Variants in ST8SIA1 observed in about 807,000 individuals in gnomAD.
ST8SIA1 encodes the protein ST8 alpha-N-acetyl-neuraminide alpha-2,8-sialyltransferase 1.
In ST8SIA1, 16 loss-of-function variants were observed where a neutral mutation model predicts 35.9. The ratio of observed to expected loss-of-function variants is 0.45; its 90% CI spans 0.30 to 0.68. The LOEUF (loss-of-function observed/expected upper bound fraction) is 0.68. Among genes scored for constraint, ST8SIA1 ranks in the 30% least tolerant of loss-of-function variants. The pLI, the probability that ST8SIA1 is intolerant of heterozygous loss-of-function variation, is 0.09. For missense variants in ST8SIA1, 383 were observed against 453.6 expected, an observed-to-expected ratio of 0.84 and a Z score of 1.41; for synonymous variants, 170 against 169.6, an observed-to-expected ratio of 1.00 and a Z score of -0.02.
chr12:22,321,435 T>C (rs73089218), intron 1 of ST8SIA1, among the ~76,000 whole-genome samples: 3,996 of 152,256 alleles, frequency 0.026, 124 homozygotes, highest in South Asian at 0.16. Context: ...CTGCCCAAAC[T>C]GAAGCAGCAG....
chr12:22,260,223 G>A (rs891092399), intron 2 of ST8SIA1, among the ~76,000 whole-genome samples: 1 of 150,104 alleles, frequency 6.7e-6, no homozygotes, highest in African/African-American at 2.5e-5. Context: ...GTACAATGGT[G>A]CCATCACGGC....
rs200518743 is a variant in ST8SIA1 at position 22,260,165 on chromosome 12, C to CTT, written c.382-4778_382-4777dup. ...TCAAGGGTTTTTTTCTTTTTTCTTC[C>CTT]TTTTTTTTTTTTTAGAAAGGGTCTA... On this transcript the variant is annotated intron_variant, in intron 2 of 4. Coordinates refer to ENST00000396037, the MANE Select transcript of ST8SIA1 (RefSeq NM_003034.4). Among the ~76,000 whole-genome samples, 159 of 142,358 alleles carry CTT rather than the reference C, an allele frequency of 1.1e-3. 1 individual carries two copies. Among genetic ancestry groups the CTT allele is most frequent in the African/African-American group, 3.9e-3 (152 of 38,926 alleles). 93.4% of individuals were successfully genotyped at this position (142,358 alleles called of 152,430 possible).
At chr12:22,331,324 C>T (rs1037533929) in intron 1 of ST8SIA1, among the ~76,000 whole-genome samples, 4 of 152,214 alleles carry the variant, frequency 2.6e-5, no homozygotes, top group Admixed American at 2.6e-4. Flanking sequence ...TGCTATCCCC[C>T]AGGGCCTAAC....
At chr12:22,282,013 A>G (rs1866043644) in intron 2 of ST8SIA1, among the ~76,000 whole-genome samples, 1 of 152,080 alleles carries the variant, frequency 6.6e-6, no homozygotes, top group Non-Finnish European at 1.5e-5. Context: ...CTGTCTCAAA[A>G]TAAAATAAAA....
At chr12:22,202,434 C>T (rs2120606816) in intron 4 of ST8SIA1, among the ~76,000 whole-genome samples, 1 of 152,332 alleles carries the variant, frequency 6.6e-6, no homozygotes, top group Non-Finnish European at 1.5e-5. Context: ...CTGGTTTCTT[C>T]ATCTGCAAAT....
At chr12:22,324,065 T>G (rs775255403) in intron 1 of ST8SIA1, among the ~76,000 whole-genome samples, 3 of 151,832 alleles carry the variant, frequency 2.0e-5, no homozygotes, top group Non-Finnish European at 4.4e-5. Flanking sequence ...CAACTTAAAG[T>G]CATCAAATGA....
intron 2 of ST8SIA1, among the ~76,000 whole-genome samples, chr12:22,273,158 G>A (rs1026539169): frequency 2.6e-5 from 4 of 152,124 alleles, no homozygotes; most frequent in Admixed American, 6.5e-5. Context: ...CCACCTCCAA[G>A]TTGCAGACAG....
intron 4 of ST8SIA1, among the ~76,000 whole-genome samples, chr12:22,207,003 AG>A (rs1865116952): frequency 2.0e-5 from 3 of 152,226 alleles, no homozygotes; most frequent in Non-Finnish European, 2.9e-5. Context: ...ATTTGGGTAA[AG>A]GAAAGCTCCA....
At chr12:22,260,871 G>GCTGTTTTTT (rs1555157907) in intron 2 of ST8SIA1, among the ~76,000 whole-genome samples, 2 of 97,546 alleles carry the variant, frequency 2.1e-5, no homozygotes, top group Non-Finnish European at 4.4e-5. Context: ...TTATATAGTT[G>GCTGTTTTTT]TTGTTTTTTT....
intron 2 of ST8SIA1, among the ~76,000 whole-genome samples, chr12:22,281,348 G>C (rs377468917): frequency 6.6e-6 from 1 of 152,070 alleles, no homozygotes; most frequent in Admixed American, 6.6e-5. Flanking sequence ...GATCATAAGC[G>C]TCATCATAGA....
At chr12:22,305,020 T>G (rs1220884364) in intron 1 of ST8SIA1, among the ~76,000 whole-genome samples, 1 of 152,238 alleles carries the variant, frequency 6.6e-6, no homozygotes, top group East Asian at 1.9e-4. Context: ...GCTATTTAGC[T>G]GACAACTGCC....
At chr12:22,248,980 CACAA>C (rs773893433) in intron 4 of ST8SIA1, 22 bp downstream of exon 4, 1 of 1,550,746 alleles carries the variant, frequency 6.4e-7, no homozygotes, top group South Asian at 1.1e-5. Flanking sequence ...CTTCGTTCGT[CACAA>C]ACAGAAGTCA....
At chr12:22,272,748 C>T (rs889568303) in intron 2 of ST8SIA1, among the ~76,000 whole-genome samples, 1 of 152,218 alleles carries the variant, frequency 6.6e-6, no homozygotes. Flanking sequence ...ACACAAGAAC[C>T]GACAGTCTGG....
intron 1 of ST8SIA1, among the ~76,000 whole-genome samples, chr12:22,300,301 A>G (rs184742287): frequency 2.6e-4 from 39 of 152,284 alleles, no homozygotes; most frequent in African/African-American, 8.7e-4. Flanking sequence ...AATTAAAGCT[A>G]TTCAACTCCT....
chr12:22,209,681 C>T (rs1294690822), intron 4 of ST8SIA1, among the ~76,000 whole-genome samples: 1 of 152,162 alleles, frequency 6.6e-6, no homozygotes, highest in African/African-American at 2.4e-5. Context: ...GGTCTTGGCT[C>T]AAATGAAAGC....
chr12:22,248,964 C>T, intron 4 of ST8SIA1, 42 bp downstream of exon 4: 1 of 1,458,328 alleles, frequency 6.9e-7, no homozygotes, highest in Non-Finnish European at 9.6e-7. Flanking sequence ...CTTGAGAAGA[C>T]TTCATCTTCG....
chr12:22,238,631 C>G (rs1218274697), intron 4 of ST8SIA1, among the ~76,000 whole-genome samples: 1 of 152,218 alleles, frequency 6.6e-6, no homozygotes, highest in African/African-American at 2.4e-5. Flanking sequence ...GATGACCTGT[C>G]ACTAAGAAGT....
At chr12:22,309,498 A>C (rs189845361) in intron 1 of ST8SIA1, among the ~76,000 whole-genome samples, 5 of 152,274 alleles carry the variant, frequency 3.3e-5, no homozygotes, top group Non-Finnish European at 7.4e-5. Flanking sequence ...GAGACCCAAG[A>C]AGGGGCATGA....
At chr12:22,236,579 C>G (rs1223371393) in intron 4 of ST8SIA1, among the ~76,000 whole-genome samples, 1 of 152,146 alleles carries the variant, frequency 6.6e-6, no homozygotes, top group Non-Finnish European at 1.5e-5. Context: ...ATCGGCATAT[C>G]AATATAAATC....
Sources: allele counts gnomAD v4.1 joint callset (sites outside exome capture counted in the v4.1 genomes callset), GRCh38; gene constraint gnomAD v4.1.1; transcripts MANE v1.5; gene names NCBI Gene and HGNC (gene_info 2026-07-23, HGNC 2026-07-21).